Variants in GSE1 observed in about 807,000 individuals in gnomAD.
The protein encoded by GSE1 is genetic suppressor element 1.
Under a neutral mutation model 112.6 loss-of-function variants are expected in GSE1, and 32 were observed. That is an observed-to-expected ratio of 0.28 (90% CI 0.21 to 0.38). The LOEUF (loss-of-function observed/expected upper bound fraction) is 0.38, where lower values mean the gene tolerates loss of function less well. Among genes scored for constraint, GSE1 ranks in the 10% least tolerant of loss-of-function variants. The pLI is 1.00. For missense variants in GSE1, 2,348 were observed against 1,699.2 expected (o/e 1.38, Z -6.71); for synonymous variants, 1,115 against 735.6 (o/e 1.52, Z -8.35).
At chr16:85,374,640 C>T (rs997270875) in intron 2 of GSE1, among the ~76,000 whole-genome samples, 19 of 152,110 alleles carry the variant, frequency 1.2e-4, no homozygotes, top group Non-Finnish European at 5.9e-5. Context: ...AGGGCAGTAG[C>T]GTGGAGGCAA....
upstream of GSE1, among the ~76,000 whole-genome samples, chr16:85,606,978 C>T (rs978603859): frequency 2.0e-5 from 3 of 151,860 alleles, no homozygotes; most frequent in Non-Finnish European, 4.4e-5. Context: ...TTTATAGATG[C>T]CAGCTGTCTC....
intron 1 of GSE1, among the ~76,000 whole-genome samples, chr16:85,335,108 A>G (rs1193322565): frequency 6.6e-6 from 1 of 152,218 alleles, no homozygotes; most frequent in Non-Finnish European, 1.5e-5. Context: ...TGCGCATGTA[A>G]TTAAACATGG....
At chr16:85,437,034 GC>G (rs1364643793) in intron 2 of GSE1, among the ~76,000 whole-genome samples, 1 of 152,230 alleles carries the variant, frequency 6.6e-6, no homozygotes, top group Non-Finnish European at 1.5e-5. Context: ...GCGACTTTTG[GC>G]CTCTGAGCAG....
At chr16:85,445,594 A>T (rs1400591068) in intron 2 of GSE1, among the ~76,000 whole-genome samples, 1 of 152,224 alleles carries the variant, frequency 6.6e-6, no homozygotes, top group Non-Finnish European at 1.5e-5. Context: ...TGATAAATAG[A>T]CAAGTCGCAC....
At chr16:85,363,795 A>C (rs116268756) in intron 2 of GSE1, among the ~76,000 whole-genome samples, 4,948 of 141,040 alleles carry the variant, frequency 0.035, 269 homozygotes, top group African/African-American at 0.12. Context: ...GGGGCGGGGG[A>C]GAAGAGGAGG....
At chr16:85,432,644 C>T (rs1416560468) in intron 2 of GSE1, among the ~76,000 whole-genome samples, 1 of 152,234 alleles carries the variant, frequency 6.6e-6, no homozygotes. Flanking sequence ...CTCAGCATCT[C>T]TCCTCTTCCC....
At chr16:85,644,325 C>T (rs999005369) in intron 2 of GSE1, among the ~76,000 whole-genome samples, 5 of 142,506 alleles carry the variant, frequency 3.5e-5, no homozygotes, top group African/African-American at 5.4e-5. Flanking sequence ...GCCTGGGCAG[C>T]AGAGTGAGAT....
At chr16:85,276,990 C>T (rs1909431706) in intron 1 of GSE1, among the ~76,000 whole-genome samples, 1 of 152,026 alleles carries the variant, frequency 6.6e-6, no homozygotes, top group African/African-American at 2.4e-5. Flanking sequence ...GTTCTGAGAG[C>T]AGGGGGACCC....
chr16:85,239,652 C>T (rs1227888728), intron 1 of GSE1, among the ~76,000 whole-genome samples: 3 of 152,182 alleles, frequency 2.0e-5, no homozygotes, highest in Non-Finnish European at 4.4e-5. Context: ...CAGGGCGGGC[C>T]CCACGGCTCC....
chr16:85,216,641 G>T (rs1328167669), intron 1 of GSE1, among the ~76,000 whole-genome samples: 1 of 152,148 alleles, frequency 6.6e-6, no homozygotes, highest in Non-Finnish European at 1.5e-5. Flanking sequence ...AGAAATTGAG[G>T]CACAGGGAGG....
At chr16:85,211,930 G>A (rs930715520) in intron 1 of GSE1, among the ~76,000 whole-genome samples, 41 of 152,318 alleles carry the variant, frequency 2.7e-4, no homozygotes, top group African/African-American at 7.2e-4. Context: ...GGGGCTGAAG[G>A]CTTCTGTGTC....
chr16:85,663,451 G>A lies in GSE1; in HGVS notation c.2481G>A (p.Pro827=), dbSNP rs2052593086. ...KRRRMLRERS[P]SPPTIQSKRQ... is the part of the protein sequence containing the mutation. ...GGAGGATGCTGCGAGAGAGAAGCCC[G>A]TCGCCCCCAACAATTCAGAGCAAGC... Residue 827 remains proline, a synonymous_variant, in exon 11 of 16, where the codon CCG becomes CCA. Coordinates refer to ENST00000253458, the MANE Select transcript of GSE1 (RefSeq NM_014615.5). 5.0e-6 allele frequency: 8 copies of A among 1,613,770 alleles called. No individual in the cohort carries two copies. The highest frequency in any genetic ancestry group is 1.7e-5 in the Admixed American group (1 of 60,004).
At chr16:85,633,208 C>T (rs575448008) in intron 1 of GSE1, among the ~76,000 whole-genome samples, 10 of 152,278 alleles carry the variant, frequency 6.6e-5, no homozygotes, top group East Asian at 3.9e-4. Flanking sequence ...GTCTGCAGTG[C>T]GGCCGTGTTC....
intron 2 of GSE1, among the ~76,000 whole-genome samples, chr16:85,424,311 C>T (rs1031055797): frequency 1.3e-5 from 2 of 152,238 alleles, no homozygotes; most frequent in Admixed American, 6.5e-5. Flanking sequence ...AGGTTCTTGG[C>T]GACGGCAGGG....
In GSE1 at chr16:85,559,662, C is replaced by A. The variant is rs1459509062; in HGVS notation, c.37+3299C>A. Among the ~76,000 whole-genome samples, 3 of 34,410 alleles carry A rather than the reference C, an allele frequency of 8.7e-5. No individual in the cohort carries two copies. In the Admixed American group the frequency reaches 1.3e-3, roughly 15 times the overall value. The allele number at this position is 34,410 out of a possible 152,430, so 22.6% of individuals were successfully genotyped here. On this transcript the variant is annotated intron_variant, in intron 1 of 2. Coordinates refer to the GSE1 transcript ENST00000635906. ...GTAGGTTTGAAGTCAGGCTCTGCCTCTCCTGAGCTGTGTCCTTGGGCGGGT... is the reference window on the plus strand; with the variant it reads ...GTAGGTTTGAAGTCAGGCTCTGCCTATCCTGAGCTGTGTCCTTGGGCGGGT...
chr16:85,449,298 C>T (rs1373927967), intron 2 of GSE1, among the ~76,000 whole-genome samples: 2 of 152,214 alleles, frequency 1.3e-5, no homozygotes, highest in African/African-American at 2.4e-5. Context: ...CTGGCCTAAC[C>T]GACTTTTCTG....
chr16:85,424,996 G>A (rs1159822747), intron 2 of GSE1, among the ~76,000 whole-genome samples: 4 of 152,276 alleles, frequency 2.6e-5, no homozygotes, highest in Non-Finnish European at 4.4e-5. Context: ...CTGGAGCAGG[G>A]CAGGCAGAGG....
In GSE1 at chr16:85,675,635, G is replaced by C. The variant is rs1210485979; in HGVS notation, c.*3096G>C. The C allele has an allele frequency of 6.6e-6, 1 of 152,210 alleles. No individual in the cohort carries two copies. Among genetic ancestry groups the C allele is most frequent in the Non-Finnish European group, 1.5e-5 (1 of 68,040 alleles). The allele number at this position is 152,210 out of a possible 1,614,324, so 9.4% of individuals were successfully genotyped here. ...TGTAGCAGAATGGTATTTTCCTCAAGTAGCTCATAATACTGCCAAATCTCA... is the reference window on the plus strand; with the variant it reads ...TGTAGCAGAATGGTATTTTCCTCAACTAGCTCATAATACTGCCAAATCTCA... On this transcript the variant is annotated 3_prime_UTR_variant, in exon 16 of 16. Coordinates refer to ENST00000253458, the MANE Select transcript of GSE1 (RefSeq NM_014615.5).
chr16:85,663,701 G>C (rs1252793542), intron 11 of GSE1, 87 bp downstream of exon 11: 5 of 1,340,180 alleles, frequency 3.7e-6, no homozygotes, highest in Non-Finnish European at 5.2e-6. Context: ...TGGACTCCAG[G>C]CAGGATCTGC....
Sources: allele counts gnomAD v4.1 joint callset (sites outside exome capture counted in the v4.1 genomes callset), GRCh38; gene constraint gnomAD v4.1.1; transcripts MANE v1.5; gene names NCBI Gene and HGNC (gene_info 2026-07-23, HGNC 2026-07-21).